The following CNST variants were observed in gnomAD, a reference collection of about 807,000 sequenced individuals.
CNST encodes consortin, connexin sorting protein.
A neutral mutation model predicts 72.4 loss-of-function variants in CNST; 39 were observed. The ratio of observed to expected loss-of-function variants is 0.54; its 90% CI spans 0.42 to 0.70. The LOEUF is 0.70. Ranked by LOEUF, CNST falls within the 30% of genes least tolerant of loss-of-function variation. CNST has a pLI of 0.00. For missense variants in CNST, 871 were observed against 868.5 expected (o/e 1.00, Z -0.04); for synonymous variants, 332 against 320.1 (o/e 1.04, Z -0.40).
chr1:246,586,166 T>C (rs1003297473), intron 1 of CNST, among the ~76,000 whole-genome samples: 1 of 148,180 alleles, frequency 6.7e-6, no homozygotes, highest in Non-Finnish European at 1.5e-5. Context: ...AGTATGCTTA[T>C]AAGCAAAGAT....
In CNST at chr1:246,666,750, C is replaced by T. The variant is rs1667404257; in HGVS notation, c.*845C>T. The T allele has an allele frequency of 2.0e-5, 3 of 152,186 alleles. No homozygotes were observed. The South Asian group carries it at 6.2e-4, about 31-fold the overall frequency. 9.4% of individuals were successfully genotyped at this position (152,186 alleles called of 1,614,324 possible). On this transcript the variant is annotated 3_prime_UTR_variant, in exon 11 of 11. Transcript: ENST00000366513. ...GCTTCCTGAAATCATGAATGCTGGACTCAGTTTGGCAAACGCTTACACCTA... is the reference window on the plus strand; with the variant it reads ...GCTTCCTGAAATCATGAATGCTGGATTCAGTTTGGCAAACGCTTACACCTA...
chr1:246,642,068 G>A (rs780419104), intron 8 of CNST, 31 bp downstream of exon 8: 17 of 1,217,910 alleles, frequency 1.4e-5, no homozygotes, highest in South Asian at 2.6e-5. Context: ...ATGGAGCAAC[G>A]TAAAAGATAC....
intron 9 of CNST, among the ~76,000 whole-genome samples, chr1:246,658,518 G>A (rs1666888259): frequency 1.3e-5 from 2 of 152,032 alleles, no homozygotes; most frequent in African/African-American, 2.4e-5. Flanking sequence ...ATTCAGGGAA[G>A]CATAGTCAAA....
intron 2 of CNST, among the ~76,000 whole-genome samples, chr1:246,614,420 G>A (rs888489311): frequency 6.6e-6 from 1 of 152,004 alleles, no homozygotes; most frequent in Non-Finnish European, 1.5e-5. Context: ...TGCTTAACCT[G>A]TATCATCGTA....
At chr1:246,660,170 G>A (rs373825181) in intron 9 of CNST, 29 bp from the exon 10 acceptor site, 31 of 1,578,330 alleles carry the variant, frequency 2.0e-5, no homozygotes, top group Non-Finnish European at 2.6e-6. Context: ...CTTAATAAAA[G>A]AATTATAGGT....
At chr1:246,588,769 A>G (rs972401685) in intron 1 of CNST, among the ~76,000 whole-genome samples, 1 of 152,302 alleles carries the variant, frequency 6.6e-6, no homozygotes, top group African/African-American at 2.4e-5. Flanking sequence ...TATGGTATGT[A>G]TTTTATAAAT....
At chr1:246,600,838 T>TAAA (rs1223849494) in intron 2 of CNST, among the ~76,000 whole-genome samples, 1 of 152,208 alleles carries the variant, frequency 6.6e-6, no homozygotes, top group African/African-American at 2.4e-5. Flanking sequence ...GAGAGGGCCT[T>TAAA]AAAAGTGACC....
In CNST at chr1:246,589,761, TC is replaced by T. The variant is rs1204113122; in HGVS notation, c.-51-1749del. ...GTAAAAGTGTCCCTGTTTCTCCACA[TC>T]CTCTCCAGCACCTGTTGTTTCCTGA... On this transcript the variant is annotated intron_variant, in intron 1 of 10. Coordinates refer to ENST00000366513, the MANE Select transcript of CNST (RefSeq NM_152609.3). Among the ~76,000 whole-genome samples the T allele has an allele frequency of 2.2e-4, 33 of 152,284 alleles. No individual in the cohort carries two copies. The East Asian group carries it at 5.2e-3, about 24-fold the overall frequency.
At chr1:246,633,852 G>A in intron 4 of CNST, 72 bp from the exon 5 acceptor site, 1 of 999,354 alleles carries the variant, frequency 1.0e-6, no homozygotes, top group Non-Finnish European at 1.6e-6. Flanking sequence ...AACATCTATA[G>A]GACATTGTTC....
At chr1:246,626,088 T>C (rs11807871) in intron 3 of CNST, among the ~76,000 whole-genome samples, 41,168 of 151,402 alleles carry the variant, frequency 0.27, 6,318 homozygotes, top group East Asian at 0.67. Context: ...TCCCACTCTG[T>C]CACCAGGCTG....
intron 2 of CNST, among the ~76,000 whole-genome samples, chr1:246,613,282 T>C (rs1663454374): frequency 1.3e-5 from 2 of 152,150 alleles, no homozygotes; most frequent in African/African-American, 4.8e-5. Flanking sequence ...ATACATGACT[T>C]TCCACAATTT....
At chr1:246,606,864 C>G (rs3007403) in intron 2 of CNST, 2 of 151,930 alleles carry the variant, frequency 1.3e-5, no homozygotes, top group Admixed American at 1.3e-4. Context: ...TAGCCGTGAG[C>G]AAGCCTGGGT....
chr1:246,592,207 G>A (rs758624518), intron 2 of CNST, among the ~76,000 whole-genome samples: 1 of 152,140 alleles, frequency 6.6e-6, no homozygotes, highest in Non-Finnish European at 1.5e-5. Flanking sequence ...ACAGTGCTGA[G>A]GCCGGGTACG....
rs1251488595 is a variant in CNST, at chr1:246,660,266, C to T, written c.1904C>T (p.Ala635Val). Residue 635 changes from alanine (A) to valine (V), a missense_variant, in exon 10 of 11, where the codon GCC (alanine) becomes GTC (valine). By Grantham distance (64) the Ala-to-Val change is moderately conservative. Coordinates refer to ENST00000366513, the MANE Select transcript of CNST (RefSeq NM_152609.3). ...KRNDTVGDHPAQMQHKPSKRR... is the reference protein window; with the variant it reads ...KRNDTVGDHPVQMQHKPSKRR... ...AATGATACTGTAGGAGATCATCCTG[C>T]CCAAATGCAACACAAACCATCTAAG... is the stretch of plus-strand genomic sequence containing the variant. 13 of 1,613,542 alleles carry T rather than the reference C, an allele frequency of 8.1e-6. No homozygotes were observed. Among genetic ancestry groups the T allele is most frequent in the African/African-American group, 5.3e-5 (4 of 74,888 alleles).
At chr1:246,607,920 A>G (rs758988639) in intron 2 of CNST, 1 of 152,074 alleles carries the variant, frequency 6.6e-6, no homozygotes, top group Non-Finnish European at 1.5e-5. Context: ...ATCTCTACTG[A>G]AAATACAAAA....
intron 1 of CNST, among the ~76,000 whole-genome samples, chr1:246,578,140 T>C (rs189313608): frequency 6.6e-6 from 1 of 152,144 alleles, no homozygotes; most frequent in Admixed American, 6.5e-5. Context: ...TTGGTGAGGA[T>C]TGTAAAAGAA....
chr1:246,635,950 A>T (rs570833718), intron 6 of CNST, among the ~76,000 whole-genome samples: 3 of 152,294 alleles, frequency 2.0e-5, no homozygotes, highest in African/African-American at 7.2e-5. Context: ...TCCAGGTTGA[A>T]TTGTGCATAG....
chr1:246,574,495 A>G (rs1319822066), intron 1 of CNST, among the ~76,000 whole-genome samples: 1 of 152,166 alleles, frequency 6.6e-6, no homozygotes, highest in African/African-American at 2.4e-5. Context: ...GCAAGATTAT[A>G]GCTCCGTGCA....
At chr1:246,615,102 C>T (rs1375764028) in intron 2 of CNST, among the ~76,000 whole-genome samples, 2 of 152,170 alleles carry the variant, frequency 1.3e-5, no homozygotes, top group Non-Finnish European at 2.9e-5. Flanking sequence ...AGAATTCAGG[C>T]GGTGTGATCA....
Sources: allele counts gnomAD v4.1 joint callset (sites outside exome capture counted in the v4.1 genomes callset), GRCh38; gene constraint gnomAD v4.1.1; transcripts MANE v1.5; gene names NCBI Gene and HGNC (gene_info 2026-07-23, HGNC 2026-07-21).